DPP6: variants seen among roughly 807,000 people sequenced by gnomAD.
The protein encoded by DPP6 is A-type potassium channel modulatory protein DPP6.
A neutral mutation model predicts 122.6 loss-of-function variants in DPP6; 69 were observed. The observed-to-expected ratio is 0.56, with a 90% CI of 0.46 to 0.69. The LOEUF is 0.69. DPP6 is among the 30% of genes least tolerant of loss of function. The pLI, the probability that DPP6 is intolerant of heterozygous loss-of-function variation, is 0.00. For synonymous variants in DPP6, 418 were observed against 433.1 expected (o/e 0.97, Z 0.43); for missense variants, 928 against 1,116.9 (o/e 0.83, Z 2.41).
At chr7:154,165,412 G>C (rs900350610) in intron 1 of DPP6, among the ~76,000 whole-genome samples, 1 of 147,260 alleles carries the variant, frequency 6.8e-6, no homozygotes, top group African/African-American at 2.7e-5. Flanking sequence ...ATCATTGTTG[G>C]ACATTTGGGT....
chr7:153,789,113 T>C, the DPP6 span, among the ~76,000 whole-genome samples: 1 of 152,176 alleles, frequency 6.6e-6, no homozygotes, highest in Non-Finnish European at 1.5e-5. Flanking sequence ...AAATGCTGTA[T>C]CACTAATGCT....
intron 1 of DPP6, among the ~76,000 whole-genome samples, chr7:154,205,900 C>G (rs1799422132): frequency 6.6e-6 from 1 of 152,314 alleles, no homozygotes; most frequent in East Asian, 1.9e-4. Context: ...CTCTCTTGGT[C>G]CTGCCTGTGT....
At chr7:154,324,910 G>C (rs1283523732) in intron 1 of DPP6, among the ~76,000 whole-genome samples, 2 of 142,276 alleles carry the variant, frequency 1.4e-5, no homozygotes, top group South Asian at 2.2e-4. Context: ...CCCCTGGATG[G>C]AGTGCAATGG....
At chr7:154,526,962 A>G (rs1827457936) in intron 3 of DPP6, among the ~76,000 whole-genome samples, 1 of 152,234 alleles carries the variant, frequency 6.6e-6, no homozygotes, top group South Asian at 2.1e-4. Context: ...CAACTGAAAT[A>G]TCAGATTAAT....
the DPP6 span, among the ~76,000 whole-genome samples, chr7:153,838,137 A>G: frequency 3.3e-4 from 50 of 152,214 alleles, no homozygotes; most frequent in African/African-American, 1.2e-3. Flanking sequence ...AAATGTGTCT[A>G]CACGTTAAAC....
At chr7:154,313,810 A>C (rs1807183347) in intron 1 of DPP6, among the ~76,000 whole-genome samples, 1 of 148,942 alleles carries the variant, frequency 6.7e-6, no homozygotes. Context: ...ATTTAGGAAG[A>C]CTCAATATAA....
rs1203122569 is a variant in DPP6, at chr7:154,077,660, A to G, written c.243+24597A>G. ...GAACCTTAAATAGATTATAGATTTT[A>G]TTTATTATTATTATTATTTTTTTTT... On this transcript the variant is annotated intron_variant, in intron 1 of 25. Transcript: ENST00000377770. 3.4e-5 allele frequency among the ~76,000 whole-genome samples: 5 copies of G among 147,748 alleles called. No individual in the cohort carries two copies. In the East Asian group the frequency reaches 7.8e-4, roughly 23 times the overall value.
At chr7:153,966,473 C>G (rs1477648566) in intron 1 of DPP6, among the ~76,000 whole-genome samples, 1 of 147,910 alleles carries the variant, frequency 6.8e-6, no homozygotes. Flanking sequence ...CTTTACCTCC[C>G]GCCTTGGCCC....
chr7:154,575,208 GGTGT>G (rs1831488951), intron 5 of DPP6, among the ~76,000 whole-genome samples: 1 of 121,090 alleles, frequency 8.3e-6, no homozygotes. Flanking sequence ...TGGTGTCTGT[GGTGT>G]GTGTGTGGTG....
chr7:154,637,604 G>A (rs1457626976), intron 5 of DPP6, among the ~76,000 whole-genome samples: 1 of 152,210 alleles, frequency 6.6e-6, no homozygotes, highest in East Asian at 1.9e-4. Flanking sequence ...ATGACATCAA[G>A]CCTCTGGCTG....
upstream of DPP6, among the ~76,000 whole-genome samples, chr7:154,052,088 C>T (rs1206991150): frequency 1.4e-5 from 2 of 142,148 alleles, no homozygotes; most frequent in East Asian, 2.3e-4. The surrounding 1 kb of genome is among the most constrained non-coding windows in gnomAD (Gnocchi z 4.8). Flanking sequence ...TCCGCATCCC[C>T]TTGCACCGTC....
intron 23 of DPP6, among the ~76,000 whole-genome samples, chr7:154,888,811 C>T (rs569254920): frequency 6.6e-6 from 1 of 152,338 alleles, no homozygotes; most frequent in East Asian, 1.9e-4. Flanking sequence ...GGAGAACTTA[C>T]AGTTCCACAT....
the DPP6 span, among the ~76,000 whole-genome samples, chr7:153,752,133 A>G: frequency 6.6e-6 from 1 of 152,218 alleles, no homozygotes; most frequent in Non-Finnish European, 1.5e-5. Flanking sequence ...GACCTGCCAC[A>G]CAAGATGAGG....
At chr7:153,894,798 C>T (rs188579990) in intron 1 of DPP6, among the ~76,000 whole-genome samples, 189 of 152,306 alleles carry the variant, frequency 1.2e-3, no homozygotes, top group African/African-American at 4.4e-3. Flanking sequence ...AGCCAAGATG[C>T]AGAACCAGTG....
intron 1 of DPP6, among the ~76,000 whole-genome samples, chr7:154,036,763 A>G (rs1799556564): frequency 6.6e-6 from 1 of 151,958 alleles, no homozygotes; most frequent in African/African-American, 2.4e-5. Context: ...CACTTGCCAT[A>G]CTTCAGTGTC....
chr7:154,476,557 A>G (rs1563731050), intron 3 of DPP6, among the ~76,000 whole-genome samples: 1 of 152,220 alleles, frequency 6.6e-6, no homozygotes, highest in Non-Finnish European at 1.5e-5. Context: ...CCTAACACAC[A>G]AGACTCAGAG....
intron 5 of DPP6, among the ~76,000 whole-genome samples, chr7:154,578,948 A>G (rs1831864281): frequency 2.0e-5 from 3 of 152,222 alleles, no homozygotes; most frequent in Admixed American, 2.0e-4. Flanking sequence ...GGAGCGTAAC[A>G]GTGGCTAGGC....
intron 1 of DPP6, among the ~76,000 whole-genome samples, chr7:154,410,231 G>A (rs1816484758): frequency 6.6e-6 from 1 of 152,222 alleles, no homozygotes; most frequent in African/African-American, 2.4e-5. Flanking sequence ...AGGGATGACA[G>A]TTCAAGAGAA....
At chr7:154,524,280 G>A (rs941207329) in intron 3 of DPP6, among the ~76,000 whole-genome samples, 6 of 152,330 alleles carry the variant, frequency 3.9e-5, no homozygotes, top group Middle Eastern at 3.4e-3. Flanking sequence ...ATCACCGATA[G>A]CATTATTCTT....
Sources: gnomAD v4.1 joint callset for allele counts (sites outside exome capture counted in the v4.1 genomes callset) on GRCh38, gnomAD v4.1.1 for gene constraint, Gnocchi (gnomAD v3.1) non-coding constraint, MANE v1.5 for transcripts, NCBI Gene and HGNC (gene_info 2026-07-23, HGNC 2026-07-21) for gene names.